Variants in GRIK3 observed in about 807,000 individuals in gnomAD.
GRIK3 encodes glutamate ionotropic receptor kainate type subunit 3.
A neutral mutation model predicts 102.5 loss-of-function variants in GRIK3; 29 were observed. The observed-to-expected ratio is 0.28, with a 90% CI of 0.21 to 0.39. The LOEUF (loss-of-function observed/expected upper bound fraction) is 0.39. Among genes scored for constraint, GRIK3 ranks in the 10% least tolerant of loss-of-function variants. The pLI is 1.00. For synonymous variants in GRIK3, 511 were observed against 504.9 expected (o/e 1.01, Z -0.16); for missense variants, 908 against 1,252.4 (o/e 0.73, Z 4.15).
At chr1:36,818,302 C>T (rs1642653224) in intron 12 of GRIK3, among the ~76,000 whole-genome samples, 1 of 152,198 alleles carries the variant, frequency 6.6e-6, no homozygotes, top group Non-Finnish European at 1.5e-5. Context: ...CCAACTGTCA[C>T]CGAACAAAGA....
intron 1 of GRIK3, among the ~76,000 whole-genome samples, chr1:36,991,963 A>G (rs554708779): frequency 6.6e-6 from 1 of 152,122 alleles, no homozygotes; most frequent in African/African-American, 2.4e-5. Flanking sequence ...CCAGCAGTAG[A>G]TGGGCTGGGA....
chr1:36,821,660 C>A (rs533459901), intron 11 of GRIK3, among the ~76,000 whole-genome samples: 32 of 152,298 alleles, frequency 2.1e-4, no homozygotes, highest in African/African-American at 7.7e-4. Context: ...CAGCCCAGGC[C>A]GACTTTGACT....
chr1:36,809,413 C>T (rs185760239), intron 13 of GRIK3, among the ~76,000 whole-genome samples: 1 of 152,220 alleles, frequency 6.6e-6, no homozygotes, highest in East Asian at 1.9e-4. Context: ...CTATCCATCC[C>T]CCAATCATCC....
chr1:36,982,289 G>A (rs754079075), intron 1 of GRIK3, among the ~76,000 whole-genome samples: 4 of 152,210 alleles, frequency 2.6e-5, no homozygotes, highest in Non-Finnish European at 4.4e-5. Flanking sequence ...AGGTGCTGTG[G>A]CTGTGGTCCT....
chr1:36,941,447 C>G (rs1641718222), intron 1 of GRIK3, among the ~76,000 whole-genome samples: 1 of 152,058 alleles, frequency 6.6e-6, no homozygotes, highest in Non-Finnish European at 1.5e-5. Flanking sequence ...AAACAGAAGC[C>G]CAGAGGCCCG....
chr1:36,878,385 T>C (rs1051054222), intron 3 of GRIK3, among the ~76,000 whole-genome samples: 1 of 152,270 alleles, frequency 6.6e-6, no homozygotes, highest in Non-Finnish European at 1.5e-5. Context: ...AGGAACTCAA[T>C]AGATGCTTGT....
At chr1:36,887,810 A>AGAGT (rs1641058310) in intron 2 of GRIK3, among the ~76,000 whole-genome samples, 1 of 670 alleles carries the variant, frequency 1.5e-3, no homozygotes, top group South Asian at 0.012. Flanking sequence ...AGAGAGAGTG[A>AGAGT]GAGAGAGAGA....
chr1:36,859,759 GAAGA>G (rs1640698435), intron 6 of GRIK3, 81 bp downstream of exon 6: 1 of 1,104,840 alleles, frequency 9.1e-7, no homozygotes. Flanking sequence ...GTGGTGGAGG[GAAGA>G]AAGAAACAAG....
chr1:36,869,706 A>G, intron 5 of GRIK3, 42 bp downstream of exon 5: 1 of 1,409,472 alleles, frequency 7.1e-7, no homozygotes, highest in Non-Finnish European at 1.0e-6. Context: ...GATCCATGAG[A>G]GTCCCACCCC....
rs576536004 is a variant in GRIK3 at position 36,880,246 on chromosome 1, T to A, written c.550+388A>T. Among the ~76,000 whole-genome samples, 51 of 152,224 alleles carry A rather than the reference T, an allele frequency of 3.4e-4. No individual in the cohort carries two copies. The highest frequency in any genetic ancestry group is 3.4e-3 in the Middle Eastern group (1 of 294). On this transcript the variant is annotated intron_variant, in intron 3 of 15. Transcript: ENST00000373091. The surrounding 1 kb of genome is among the most constrained non-coding windows in gnomAD (Gnocchi z 5.4). ...CCACGCCATAAGCTATGTGTGTGAG[T>A]GTGCAAGTGTGAGGGTGGATGTGTT... is the stretch of plus-strand genomic sequence containing the variant.
intron 7 of GRIK3, among the ~76,000 whole-genome samples, chr1:36,858,329 A>G (rs1640676616): frequency 6.6e-6 from 1 of 152,250 alleles, no homozygotes; most frequent in South Asian, 2.1e-4. Context: ...ACCCAAAGTC[A>G]CATAGCTAGT....
rs144769279 is a variant in GRIK3, at chr1:36,944,886, G to A, written c.116-53790C>T. Reference sequence around the variant, plus strand: ...GCAGAGGACACAGGAAGAGTCTAGCGAACAGTGGCTTGTGCCATCTTTATA... The same window carrying A: ...GCAGAGGACACAGGAAGAGTCTAGCAAACAGTGGCTTGTGCCATCTTTATA... On this transcript the variant is annotated intron_variant, in intron 1 of 15. Coordinates refer to ENST00000373091, the MANE Select transcript of GRIK3 (RefSeq NM_000831.4). 8.3e-4 allele frequency among the ~76,000 whole-genome samples: 127 copies of A among 152,328 alleles called. 1 individual carries two copies. The highest frequency in any genetic ancestry group is 2.8e-3 in the African/African-American group (115 of 41,576).
Position 36,817,174 on chromosome 1 carries a change from G to T in GRIK3, c.1977C>A (p.Ala659=). The part of the protein sequence containing the change: ...IISSYTANLA[A]FLTVERMESP... Reference sequence around the variant, plus strand: ...ATTCCATGCGCTCCACGGTCAGAAAGGCAGCCAGGTTGGCCGTGTAGGAAG... The same window carrying T: ...ATTCCATGCGCTCCACGGTCAGAAATGCAGCCAGGTTGGCCGTGTAGGAAG... The change falls in exon 13 of 16, where the codon GCC becomes GCA. Residue 659 remains alanine, a synonymous_variant. Coordinates refer to ENST00000373091, the MANE Select transcript of GRIK3 (RefSeq NM_000831.4). 1 of 1,614,096 alleles carries T rather than the reference G, an allele frequency of 6.2e-7. No individual in the cohort carries two copies. Among genetic ancestry groups the T allele is most frequent in the Non-Finnish European group, 8.5e-7 (1 of 1,179,962 alleles).
intron 1 of GRIK3, among the ~76,000 whole-genome samples, chr1:37,020,898 C>G (rs944414236): frequency 3.9e-5 from 6 of 152,230 alleles, no homozygotes; most frequent in African/African-American, 1.4e-4. Context: ...GTTGGGGTGT[C>G]TCTCAATCTC....
chr1:36,952,316 T>C (rs939150230), intron 1 of GRIK3, among the ~76,000 whole-genome samples: 20 of 152,076 alleles, frequency 1.3e-4, no homozygotes, highest in African/African-American at 4.6e-4. Flanking sequence ...GACTGAGCTG[T>C]CATCCAGGCA....
rs553129161 is a variant in GRIK3, at chr1:36,870,620, A to T, written c.733-819T>A. Among the ~76,000 whole-genome samples, 30 of 152,320 alleles carry T rather than the reference A, an allele frequency of 2.0e-4. No homozygotes were observed. The East Asian group carries it at 2.1e-3, about 11-fold the overall frequency. ...CTCAGAGAAGTCCTGCAAGAAGCTAATTGGCTTAACTTCATTTAAATCTGG... is the reference window on the plus strand; with the variant it reads ...CTCAGAGAAGTCCTGCAAGAAGCTATTTGGCTTAACTTCATTTAAATCTGG... On this transcript the variant is annotated intron_variant, in intron 4 of 15. Transcript: ENST00000373091.
At chr1:36,868,473 G>T (rs1640809731) in intron 5 of GRIK3, among the ~76,000 whole-genome samples, 1 of 152,200 alleles carries the variant, frequency 6.6e-6, no homozygotes, top group Non-Finnish European at 1.5e-5. Flanking sequence ...TGGGCACAGG[G>T]TGCAGAGGGA....
chr1:36,900,843 T>C (rs1206667465), intron 1 of GRIK3, among the ~76,000 whole-genome samples: 1 of 152,122 alleles, frequency 6.6e-6, no homozygotes, highest in African/African-American at 2.4e-5. Flanking sequence ...AGGATACAAA[T>C]TGTTAGTATC....
intron 1 of GRIK3, among the ~76,000 whole-genome samples, chr1:36,934,168 C>T (rs1182090744): frequency 1.3e-5 from 2 of 152,178 alleles, no homozygotes; most frequent in African/African-American, 4.8e-5. Context: ...GTGGTAAGGA[C>T]ACAAGGCTCT....
Sources: gnomAD v4.1 joint callset for allele counts (sites outside exome capture counted in the v4.1 genomes callset) on GRCh38, gnomAD v4.1.1 for gene constraint, Gnocchi (gnomAD v3.1) non-coding constraint, MANE v1.5 for transcripts, NCBI Gene and HGNC (gene_info 2026-07-23, HGNC 2026-07-21) for gene names.